The following ATP2B2 variants were observed in gnomAD, a reference collection of about 807,000 sequenced individuals.
ATP2B2 encodes plasma membrane calcium-transporting ATPase 2.
In ATP2B2, 15 loss-of-function variants were observed where a neutral mutation model predicts 120.0. The ratio of observed to expected loss-of-function variants is 0.12; its 90% CI spans 0.08 to 0.19. ATP2B2 has a LOEUF of 0.19. Among genes scored for constraint, ATP2B2 ranks in the 10% least tolerant of loss-of-function variants. The pLI, the probability that ATP2B2 is intolerant of heterozygous loss-of-function variation, is 1.00. For synonymous variants in ATP2B2, 694 were observed against 700.3 expected, an observed-to-expected ratio of 0.99 and a Z score of 0.14; for missense variants, 1,045 against 1,719.8, an observed-to-expected ratio of 0.61 and a Z score of 6.94.
intron 2 of ATP2B2, among the ~76,000 whole-genome samples, chr3:10,617,617 G>A (rs987411490): frequency 6.6e-6 from 1 of 152,252 alleles, no homozygotes; most frequent in East Asian, 1.9e-4. Context: ...GAAGGAAGCA[G>A]TCAGGATTAA....
intron 22 of ATP2B2, among the ~76,000 whole-genome samples, chr3:10,331,037 A>T (rs2059964800): frequency 1.3e-5 from 2 of 152,092 alleles, no homozygotes; most frequent in Admixed American, 1.3e-4. Flanking sequence ...TCTGAAAAGC[A>T]CCTCTGTCCT....
intron 1 of ATP2B2, among the ~76,000 whole-genome samples, chr3:10,657,483 TG>T (rs2070664017): frequency 1.3e-5 from 2 of 152,196 alleles, no homozygotes; most frequent in Non-Finnish European, 2.9e-5. Flanking sequence ...CTACCACCAG[TG>T]GTGGGGCATT....
At chr3:10,395,432 T>C (rs1455565322) in intron 5 of ATP2B2, among the ~76,000 whole-genome samples, 1 of 152,214 alleles carries the variant, frequency 6.6e-6, no homozygotes, top group African/African-American at 2.4e-5. Flanking sequence ...GTTGTGGTTA[T>C]GCATGAGAAT....
rs118014949 is a variant in ATP2B2 at position 10,481,612 on chromosome 3, G to A, written c.-320+23853C>T. On this transcript the variant is annotated intron_variant, in intron 1 of 22. Coordinates refer to ENST00000360273, the MANE Select transcript of ATP2B2 (RefSeq NM_001001331.4). ...TCCGTTACCTAGGCTAGAGTGCAAT[G>A]GCACAATCTCTGCCCACTGCAACCT... Among the ~76,000 whole-genome samples the A allele has an allele frequency of 0.01, 1,537 of 152,274 alleles. 139 individuals are homozygous for A. The East Asian group carries it at 0.22, about 22-fold the overall frequency.
intron 2 of ATP2B2, among the ~76,000 whole-genome samples, chr3:10,586,748 A>C (rs1251312437): frequency 6.6e-6 from 1 of 152,202 alleles, no homozygotes; most frequent in Non-Finnish European, 1.5e-5. Flanking sequence ...TTGCATTTCC[A>C]AAGCAAGAAC....
intron 3 of ATP2B2, among the ~76,000 whole-genome samples, chr3:10,527,847 T>C (rs867167633): frequency 7.9e-5 from 12 of 152,156 alleles, no homozygotes; most frequent in African/African-American, 2.9e-4. Flanking sequence ...CTACAGTCAC[T>C]GCAGAAGTCT....
chr3:10,391,030 G>A lies in ATP2B2; in HGVS notation c.782-2628C>T, dbSNP rs79717246. ...ATAAGAAACTGGGGTCTCATGGCGGGTATCACTGGAGACTCTTCAAAGGAG... is the reference window on the plus strand; with the variant it reads ...ATAAGAAACTGGGGTCTCATGGCGGATATCACTGGAGACTCTTCAAAGGAG... On this transcript the variant is annotated intron_variant, in intron 5 of 22. Transcript: ENST00000360273. 5.3e-3 allele frequency among the ~76,000 whole-genome samples: 814 copies of A among 152,286 alleles called. 9 individuals carry two copies. Among genetic ancestry groups the A allele is most frequent in the African/African-American group, 0.019 (772 of 41,528 alleles).
rs901125212 is a variant in ATP2B2 at position 10,423,806 on chromosome 3, T to G, written c.200-12991A>C. 2.0e-5 allele frequency among the ~76,000 whole-genome samples: 3 copies of G among 152,158 alleles called. No homozygotes were observed. The South Asian group carries it at 6.2e-4, about 32-fold the overall frequency. On this transcript the variant is annotated intron_variant, in intron 2 of 22. Transcript: ENST00000360273. ...GAGAGCTTCTGCACGTGGTGCCCCT[T>G]CCCTGAGCCTCAGTTTCTTTATCCA... is the stretch of plus-strand genomic sequence containing the variant.
At position 10,343,998 on chromosome 3, in the gene ATP2B2, C is replaced by T. The variant is rs146676416; in HGVS notation, c.2704-1033G>A. ...TGCTCTTCCCACCTCTGTTCTCTCCCAAAGCCCCATATACCTGCATCCCTT... is the reference window on the plus strand; with the variant it reads ...TGCTCTTCCCACCTCTGTTCTCTCCTAAAGCCCCATATACCTGCATCCCTT... On this transcript the variant is annotated intron_variant, in intron 18 of 22. Coordinates refer to ENST00000360273, the MANE Select transcript of ATP2B2 (RefSeq NM_001001331.4). This position sits in a 1 kb window ranked among gnomAD's most constrained non-coding sequence, Gnocchi z 4.2. 1.3e-3 allele frequency among the ~76,000 whole-genome samples: 203 copies of T among 152,162 alleles called. No individual in the cohort carries two copies. The highest frequency in any genetic ancestry group is 2.3e-3 in the Non-Finnish European group (156 of 68,006).
intron 2 of ATP2B2, among the ~76,000 whole-genome samples, chr3:10,579,109 C>G (rs548523573): frequency 1.3e-5 from 2 of 152,188 alleles, no homozygotes; most frequent in South Asian, 4.1e-4. Flanking sequence ...TGGGGAGGAC[C>G]AGGCCTACCT....
chr3:10,500,793 T>C (rs1342236363), intron 1 of ATP2B2, among the ~76,000 whole-genome samples: 1 of 152,254 alleles, frequency 6.6e-6, no homozygotes. Flanking sequence ...TGTGGTCATT[T>C]GTTATGGCAG....
At chr3:10,414,536 C>A (rs1367490356) in intron 2 of ATP2B2, among the ~76,000 whole-genome samples, 7 of 152,304 alleles carry the variant, frequency 4.6e-5, no homozygotes, top group Non-Finnish European at 2.9e-5. Context: ...TGCTTCTCAG[C>A]TCCTGTGGGG....
At chr3:10,418,780 C>T (rs2062874203) in intron 2 of ATP2B2, among the ~76,000 whole-genome samples, 1 of 152,220 alleles carries the variant, frequency 6.6e-6, no homozygotes, top group Non-Finnish European at 1.5e-5. Context: ...ATAATCACGT[C>T]CCCCAAACTC....
At chr3:10,515,739 T>C (rs533532796) in intron 3 of ATP2B2, among the ~76,000 whole-genome samples, 9 of 152,354 alleles carry the variant, frequency 5.9e-5, no homozygotes, top group South Asian at 4.1e-4. Flanking sequence ...TTCCCCCTTC[T>C]GAGCCTGGTT....
intron 7 of ATP2B2, among the ~76,000 whole-genome samples, chr3:10,385,604 G>A (rs2061654438): frequency 6.6e-6 from 1 of 152,196 alleles, no homozygotes; most frequent in Admixed American, 6.5e-5. Context: ...GGTCTGTGCT[G>A]AGGTCTGGAC....
chr3:10,471,392 G>GTGTGTGTGTT (rs2064994186), intron 1 of ATP2B2, among the ~76,000 whole-genome samples: 1 of 148,574 alleles, frequency 6.7e-6, no homozygotes. Context: ...GTGTGTGTGT[G>GTGTGTGTGTT]TGTGTGTTTG....
chr3:10,329,215 T>G lies in ATP2B2; in HGVS notation c.3421-90A>C. On this transcript the variant is annotated intron_variant, in intron 22 of 22. Coordinates refer to ENST00000360273, the MANE Select transcript of ATP2B2 (RefSeq NM_001001331.4). The surrounding 1 kb of genome is among the most constrained non-coding windows in gnomAD (Gnocchi z 5.9). ...CAGGAGGGGCGGGTGGGAGAAGGGT[T>G]AGGGCAAAGCAGGTGGCTGGAATCC... 2 of 1,255,850 alleles carry G rather than the reference T, an allele frequency of 1.6e-6. No homozygotes were observed. Among genetic ancestry groups the G allele is most frequent in the Admixed American group, 1.7e-5 (1 of 59,048 alleles). 77.8% of individuals were successfully genotyped at this position (1,255,850 alleles called of 1,614,324 possible). A position where few individuals can be genotyped will look rare whatever the true frequency, so the allele number is the denominator to read the frequency against.
rs1198740465 is a variant in ATP2B2, at chr3:10,346,816, G to A, written c.2405-679C>T. Among the ~76,000 whole-genome samples the A allele has an allele frequency of 3.9e-5, 6 of 152,180 alleles. No individual in the cohort carries two copies. Among genetic ancestry groups the A allele is most frequent in the Non-Finnish European group, 8.8e-5 (6 of 68,026 alleles). ...GGCTTGCGAGCAGGGATGTCCATGG[G>A]CACGACAGGAATTTGGGTATCAGCA... On this transcript the variant is annotated intron_variant, in intron 16 of 22. Coordinates refer to ENST00000360273, the MANE Select transcript of ATP2B2 (RefSeq NM_001001331.4). The surrounding 1 kb of genome is among the most constrained non-coding windows in gnomAD (Gnocchi z 4.1).
rs2061683197 is a variant in ATP2B2 at position 10,386,468 on chromosome 3, G to A, written c.940+12C>T. On this transcript the variant is annotated intron_variant, in intron 7 of 22. Transcript: ENST00000360273. ...CTAAAAGCCCATCTACCCTGAGGGT[G>A]TCTTACTGTACCTGGTAGCTGAAGG... 1 of 1,613,832 alleles carries A rather than the reference G, an allele frequency of 6.2e-7. No individual in the cohort carries two copies. Among genetic ancestry groups the A allele is most frequent in the Non-Finnish European group, 8.5e-7 (1 of 1,179,706 alleles).
Sources: allele counts gnomAD v4.1 joint callset (sites outside exome capture counted in the v4.1 genomes callset), GRCh38; gene constraint gnomAD v4.1.1; non-coding constraint Gnocchi (gnomAD v3.1); transcripts MANE v1.5; gene names NCBI Gene and HGNC (gene_info 2026-07-23, HGNC 2026-07-21).